JADE3: variants seen among roughly 807,000 people sequenced by gnomAD.
JADE3 encodes the protein jade family PHD finger 3.
In JADE3, 2 loss-of-function variants were observed where a neutral mutation model predicts 50.1. The observed-to-expected ratio is 0.04, with a 90% CI of 0.02 to 0.13. The LOEUF is 0.13. JADE3 is among the 10% of genes least tolerant of loss of function. The pLI is 1.00. For missense variants in JADE3, 475 were observed against 634.4 expected (o/e 0.75, Z 2.70); for synonymous variants, 218 against 232.9 (o/e 0.94, Z 0.58).
intron 1 of JADE3, among the ~76,000 whole-genome samples, chrX:46,950,052 A>G (rs1289723942): frequency 1.8e-5 from 2 of 112,148 alleles, no homozygotes; most frequent in East Asian, 2.8e-4. Flanking sequence ...GTGGCTCTCA[A>G]AAGCATTATG....
At chrX:47,038,387 A>G (rs1034351265) in intron 7 of JADE3, among the ~76,000 whole-genome samples, 1 of 111,427 alleles carries the variant, frequency 9.0e-6, no homozygotes, top group Non-Finnish European at 1.9e-5. Context: ...TATTCTCCAT[A>G]GTGGTTGTAC....
intron 1 of JADE3, among the ~76,000 whole-genome samples, chrX:46,929,417 T>C (rs1556339493): frequency 1.8e-5 from 2 of 112,094 alleles, no homozygotes; most frequent in Non-Finnish European, 3.8e-5. Flanking sequence ...GAGCTCCAAT[T>C]ATGCCCCTTA....
intron 1 of JADE3, among the ~76,000 whole-genome samples, chrX:46,934,260 C>G (rs1047504829): frequency 1.8e-5 from 2 of 110,393 alleles, no homozygotes; most frequent in East Asian, 2.8e-4. Context: ...CTCAGCCTCC[C>G]GAGTAGGTGG....
At chrX:47,015,395 A>C (rs1297901038) in intron 4 of JADE3, among the ~76,000 whole-genome samples, 5 of 110,627 alleles carry the variant, frequency 4.5e-5, no homozygotes, top group Non-Finnish European at 9.5e-5. Context: ...CAGCCTGGCC[A>C]ACATGGTAAA....
intron 8 of JADE3, among the ~76,000 whole-genome samples, chrX:47,043,735 T>C (rs1929315375): frequency 9.4e-6 from 1 of 106,143 alleles, no homozygotes; most frequent in Admixed American, 1.0e-4. Flanking sequence ...AGGAGAATAG[T>C]GTGAACCTGG....
In JADE3 at chrX:46,998,051, A is replaced by AAGG. The variant is rs1556357841; in HGVS notation, c.127-66_127-64dup. Reference sequence around the variant, plus strand: ...GAGTGGATGGGGATGGTCTTTTTAAAAGGAGAACATTGAATGGTATCAGTT... The same window carrying AAGG: ...GAGTGGATGGGGATGGTCTTTTTAAAAGGAGGAGAACATTGAATGGTATCAGTT... On this transcript the variant is annotated intron_variant, in intron 3 of 10. Coordinates refer to ENST00000614628, the MANE Select transcript of JADE3 (RefSeq NM_014735.5). 6 of 906,077 alleles carry AAGG rather than the reference A, an allele frequency of 6.6e-6. No homozygotes were observed. The African/African-American group carries it at 1.2e-4, about 18-fold the overall frequency. The allele number at this position is 906,077 out of a possible 1,213,427, so 74.7% of individuals were successfully genotyped here. A position where few individuals can be genotyped will look rare whatever the true frequency, so the allele number is the denominator to read the frequency against.
At chrX:46,936,441 A>G (rs1230804360) in intron 1 of JADE3, among the ~76,000 whole-genome samples, 1 of 111,328 alleles carries the variant, frequency 9.0e-6, no homozygotes, top group Non-Finnish European at 1.9e-5. Flanking sequence ...ATTGGTCTGT[A>G]GTTTTCTCTT....
At chrX:46,941,682 T>C (rs1556342291) in intron 1 of JADE3, among the ~76,000 whole-genome samples, 2 of 111,323 alleles carry the variant, frequency 1.8e-5, no homozygotes, top group African/African-American at 6.5e-5. Flanking sequence ...TTCATATGTC[T>C]GTTGGCCACT....
intron 8 of JADE3, among the ~76,000 whole-genome samples, chrX:47,039,302 G>T (rs1929203067): frequency 9.0e-6 from 1 of 111,291 alleles, no homozygotes; most frequent in Non-Finnish European, 1.9e-5. Context: ...TTTGCTGTCA[G>T]AGCTGATGAA....
intron 1 of JADE3, among the ~76,000 whole-genome samples, chrX:46,959,783 G>A (rs1328750094): frequency 9.1e-6 from 1 of 110,228 alleles, no homozygotes; most frequent in Middle Eastern, 4.2e-3. Context: ...CGGATGTTGG[G>A]ACCACAGAGA....
At chrX:47,046,496 TAGAAG>T (rs1329373720) in intron 8 of JADE3, among the ~76,000 whole-genome samples, 1 of 111,438 alleles carries the variant, frequency 9.0e-6, no homozygotes, top group Non-Finnish European at 1.9e-5. Context: ...TTCCAAAAAA[TAGAAG>T]AGAAGGGAAT....
intron 5 of JADE3, among the ~76,000 whole-genome samples, chrX:47,025,516 G>A (rs1928887691): frequency 8.9e-6 from 1 of 112,010 alleles, no homozygotes; most frequent in African/African-American, 3.2e-5. Flanking sequence ...ATATTCAAAA[G>A]ATAAAATGAA....
At chrX:46,982,203 C>T (rs1367805658) in intron 1 of JADE3, among the ~76,000 whole-genome samples, 1 of 111,117 alleles carries the variant, frequency 9.0e-6, no homozygotes, top group Non-Finnish European at 1.9e-5. Context: ...TGTTGACCTA[C>T]TTCAAGTTCA....
chrX:47,053,160 C>T (rs1929556222), intron 8 of JADE3, among the ~76,000 whole-genome samples: 1 of 111,983 alleles, frequency 8.9e-6, no homozygotes, highest in African/African-American at 3.2e-5. Context: ...GTGGCTCACA[C>T]CTGTAATCCC....
chrX:46,996,563 C>G (rs940898127), intron 3 of JADE3, among the ~76,000 whole-genome samples: 12 of 112,021 alleles, frequency 1.1e-4, no homozygotes, highest in African/African-American at 3.9e-4. Context: ...GTGCTCCCTC[C>G]GTAGGTTTTA....
intron 6 of JADE3, among the ~76,000 whole-genome samples, chrX:47,029,154 T>C (rs1311640189): frequency 9.0e-6 from 1 of 111,615 alleles, no homozygotes; most frequent in Non-Finnish European, 1.9e-5. Flanking sequence ...AAACTGCCAA[T>C]TTAGCATCAT....
At chrX:46,937,629 A>G (rs1926658918) in intron 1 of JADE3, among the ~76,000 whole-genome samples, 1 of 112,244 alleles carries the variant, frequency 8.9e-6, no homozygotes, top group Admixed American at 9.4e-5. Flanking sequence ...AACCCTTTTA[A>G]CATTATGTCA....
intron 1 of JADE3, among the ~76,000 whole-genome samples, chrX:46,927,760 C>T (rs782307073): frequency 1.8e-5 from 2 of 111,509 alleles, no homozygotes; most frequent in Non-Finnish European, 3.8e-5. Flanking sequence ...AAGTCTTGCC[C>T]TAGAGCACTA....
chrX:47,058,255 A>G lies in JADE3; in HGVS notation c.1650A>G (p.Pro550=). ...AGTTAAAAATGCCCAAATCAACCCCAGAAGACCACAGAAACAGCTCCACAG... is the reference window on the plus strand; with the variant it reads ...AGTTAAAAATGCCCAAATCAACCCCGGAAGACCACAGAAACAGCTCCACAG... The part of the protein sequence containing the change: ...TLKLKMPKST[P]EDHRNSSTET... The change falls in exon 11 of 11, where the codon CCA becomes CCG. Residue 550 remains proline (P), a synonymous_variant. Coordinates refer to ENST00000614628, the MANE Select transcript of JADE3 (RefSeq NM_014735.5). The G allele has an allele frequency of 8.3e-7, 1 of 1,210,518 alleles. No homozygotes were observed. Among genetic ancestry groups the G allele is most frequent in the East Asian group, 3.0e-5 (1 of 33,825 alleles).
Sources: gnomAD v4.1 joint callset for allele counts (sites outside exome capture counted in the v4.1 genomes callset) on GRCh38, gnomAD v4.1.1 for gene constraint, MANE v1.5 for transcripts, NCBI Gene and HGNC (gene_info 2026-07-23, HGNC 2026-07-21) for gene names.